RPAP2: variants seen among roughly 807,000 people sequenced by gnomAD.
RPAP2 encodes putative RNA polymerase II subunit B1 CTD phosphatase RPAP2.
A neutral mutation model predicts 73.1 loss-of-function variants in RPAP2; 52 were observed. The observed-to-expected ratio is 0.71, with a 90% CI of 0.57 to 0.90. RPAP2 has a LOEUF of 0.90. Ranked by LOEUF, RPAP2 falls within the 40% of genes least tolerant of loss-of-function variation. The probability of loss-of-function intolerance (pLI) is 0.00; values close to 1 mark genes in which losing one functional copy is unlikely to be tolerated. For synonymous variants in RPAP2, 225 were observed against 242.1 expected, an observed-to-expected ratio of 0.93 and a Z score of 0.65; for missense variants, 598 against 701.8, an observed-to-expected ratio of 0.85 and a Z score of 1.67.
At chr1:92,324,522 G>T in intron 8 of RPAP2, 147 bp downstream of exon 8, 1 of 650,628 alleles carries the variant, frequency 1.5e-6, no homozygotes, top group South Asian at 2.2e-5. Flanking sequence ...GGTTTACAGT[G>T]CCATCTCCAC....
chr1:92,330,547 G>T (rs1028491176), intron 8 of RPAP2, among the ~76,000 whole-genome samples: 1 of 144,554 alleles, frequency 6.9e-6, no homozygotes, highest in Non-Finnish European at 1.5e-5. Flanking sequence ...TCCTGGGTTC[G>T]AGCGATTTTC....
At position 92,398,968 on chromosome 1, in the gene RPAP2, C is replaced by T. The variant is rs1269813039; in HGVS notation, c.*11957C>T. On this transcript the variant is annotated 3_prime_UTR_variant, in exon 13 of 13. Coordinates refer to ENST00000610020, the MANE Select transcript of RPAP2 (RefSeq NM_024813.3). ...CCACACCCAGCCAGTTTTCTACTCTCTAAATGTTCAGGCCTTTGCCTGTCC... is the reference window on the plus strand; with the variant it reads ...CCACACCCAGCCAGTTTTCTACTCTTTAAATGTTCAGGCCTTTGCCTGTCC... The T allele has an allele frequency of 6.6e-6, 1 of 152,256 alleles. No homozygotes were observed. The highest frequency in any genetic ancestry group is 1.5e-5 in the Non-Finnish European group (1 of 68,048). 9.4% of individuals were successfully genotyped at this position (152,256 alleles called of 1,614,324 possible). A position where few individuals can be genotyped will look rare whatever the true frequency, so the allele number is the denominator to read the frequency against.
chr1:92,373,214 C>G (rs1460315314), intron 11 of RPAP2, among the ~76,000 whole-genome samples: 1 of 152,054 alleles, frequency 6.6e-6, no homozygotes, highest in Admixed American at 6.6e-5. Flanking sequence ...GGAAAGGTGA[C>G]ATTAAACAAA....
chr1:92,320,464 G>C (rs1222085059), intron 6 of RPAP2, 135 bp from the exon 7 acceptor site: 10 of 587,030 alleles, frequency 1.7e-5, no homozygotes, highest in Non-Finnish European at 3.1e-5. Flanking sequence ...GTAGAGATGG[G>C]GTTTCACCAT....
rs947316155 is a variant in RPAP2, at chr1:92,374,786, A to C, written c.1689-5938A>C. ...AGACTGGAAAAGCATGCAGGTAGTT[A>C]ATTGCTATTAAGTAATAAAACATAA... On this transcript the variant is annotated intron_variant, in intron 11 of 12. Coordinates refer to ENST00000610020, the MANE Select transcript of RPAP2 (RefSeq NM_024813.3). Among the ~76,000 whole-genome samples the C allele has an allele frequency of 5.9e-5, 9 of 152,292 alleles. No individual in the cohort carries two copies. In the East Asian group the frequency reaches 1.5e-3, roughly 26 times the overall value.
At chr1:92,367,565 C>CT (rs1654981098) in intron 11 of RPAP2, among the ~76,000 whole-genome samples, 2 of 152,206 alleles carry the variant, frequency 1.3e-5, no homozygotes, top group Admixed American at 1.3e-4. Flanking sequence ...CCAATGTTAT[C>CT]TTTTAGCAGT....
Position 92,333,392 on chromosome 1 carries a change from A to G in RPAP2, c.1457A>G (p.His486Arg), listed in dbSNP as rs1653087855. Residue 486 changes from histidine (H) to arginine (R), a missense_variant and splice_region_variant, in exon 9 of 13, where the codon CAT (histidine) becomes CGT (arginine). Coordinates refer to ENST00000610020, the MANE Select transcript of RPAP2 (RefSeq NM_024813.3). The part of the protein sequence containing the change: ...ETTKSQDSEE[H>R]DSTFPLIDSS... ...GCTTTGTTTAAAAATGTGATTCAGC[A>G]TGATTCCACCTTTCCACTGATAGAC... 1.2e-6 allele frequency: 2 copies of G among 1,611,800 alleles called. No individual in the cohort carries two copies. The highest frequency in any genetic ancestry group is 1.7e-6 in the Non-Finnish European group (2 of 1,178,028).
chr1:92,365,799 C>A (rs1654910594), intron 11 of RPAP2, among the ~76,000 whole-genome samples: 1 of 152,106 alleles, frequency 6.6e-6, no homozygotes, highest in Non-Finnish European at 1.5e-5. Flanking sequence ...CTACTCAGTT[C>A]TTAAAATGAA....
chr1:92,374,544 C>G (rs972769461), intron 11 of RPAP2, among the ~76,000 whole-genome samples: 2 of 152,134 alleles, frequency 1.3e-5, no homozygotes, highest in Non-Finnish European at 2.9e-5. Context: ...CGAGTTACTC[C>G]AATGACACCT....
At chr1:92,362,690 A>T (rs376311910) in intron 11 of RPAP2, among the ~76,000 whole-genome samples, 27 of 152,180 alleles carry the variant, frequency 1.8e-4, no homozygotes, top group African/African-American at 9.6e-5. Context: ...ACAGTAATTG[A>T]ATCTCCAGGA....
chr1:92,380,665 G>C, intron 11 of RPAP2, 59 bp from the exon 12 acceptor site: 2 of 1,208,884 alleles, frequency 1.7e-6, no homozygotes, highest in Non-Finnish European at 2.2e-6. Context: ...GTTGAAGATA[G>C]GAGTCCCTTT....
intron 11 of RPAP2, among the ~76,000 whole-genome samples, chr1:92,372,979 T>C (rs545812270): frequency 1.3e-5 from 2 of 152,322 alleles, no homozygotes; most frequent in East Asian, 3.9e-4. Context: ...TCACAATAAA[T>C]AATTGTCCTC....
intron 6 of RPAP2, among the ~76,000 whole-genome samples, chr1:92,314,400 A>T (rs78591333): frequency 0.013 from 1,887 of 148,354 alleles, 36 homozygotes; most frequent in African/African-American, 0.044. Flanking sequence ...TCTAAGTTGC[A>T]TACATTTTTA....
intron 11 of RPAP2, among the ~76,000 whole-genome samples, chr1:92,355,388 C>G (rs1654411934): frequency 6.6e-6 from 1 of 151,962 alleles, no homozygotes; most frequent in Non-Finnish European, 1.5e-5. Context: ...AGTACTAATT[C>G]AAGTATGAGG....
rs1265632149 is a variant in RPAP2, at chr1:92,395,716, T to C, written c.*8705T>C. 6.0e-5 allele frequency: 9 copies of C among 150,716 alleles called. No individual in the cohort carries two copies. Among genetic ancestry groups the C allele is most frequent in the African/African-American group, 2.2e-4 (9 of 41,040 alleles). 9.3% of individuals were successfully genotyped at this position (150,716 alleles called of 1,614,324 possible). ...TTTTCAAACCATAATAAGTATCTGA[T>C]AGAGGACTTGTATCTAGACTATGTA... On this transcript the variant is annotated 3_prime_UTR_variant, in exon 13 of 13. Coordinates refer to ENST00000610020, the MANE Select transcript of RPAP2 (RefSeq NM_024813.3).
Position 92,392,173 on chromosome 1 carries a change from A to C in RPAP2, c.*5162A>C, listed in dbSNP as rs1656068196. On this transcript the variant is annotated 3_prime_UTR_variant, in exon 13 of 13. Coordinates refer to ENST00000610020, the MANE Select transcript of RPAP2 (RefSeq NM_024813.3). ...AACCGAATCCAGCAGCATATCAAAAAGCTTATCCACCACGATCAAGTCAGC... is the reference window on the plus strand; with the variant it reads ...AACCGAATCCAGCAGCATATCAAAACGCTTATCCACCACGATCAAGTCAGC... The C allele has an allele frequency of 6.6e-6, 1 of 152,234 alleles. No homozygotes were observed. The highest frequency in any genetic ancestry group is 1.5e-5 in the Non-Finnish European group (1 of 68,044). The allele number at this position is 152,234 out of a possible 1,614,324, so 9.4% of individuals were successfully genotyped here.
intron 6 of RPAP2, among the ~76,000 whole-genome samples, chr1:92,308,995 G>C (rs1651411839): frequency 6.6e-6 from 1 of 151,944 alleles, no homozygotes; most frequent in Non-Finnish European, 1.5e-5. Flanking sequence ...AAGTAAAACA[G>C]GTCTTCCTGT....
chr1:92,347,358 C>A (rs994430777), intron 11 of RPAP2, among the ~76,000 whole-genome samples: 1 of 152,168 alleles, frequency 6.6e-6, no homozygotes, highest in African/African-American at 2.4e-5. Context: ...CCCACCAGAT[C>A]ATATGCCTGC....
In RPAP2 at chr1:92,380,770, G is replaced by A; in HGVS notation, c.1735G>A (p.Val579Met). 6.2e-7 allele frequency: 1 copy of A among 1,603,120 alleles called. No homozygotes were observed. Among genetic ancestry groups the A allele is most frequent in the Non-Finnish European group, 8.5e-7 (1 of 1,176,588 alleles). ...GIQKHSQEGM[V>M]FTRFLDTLLE... The stretch of plus-strand genomic sequence containing the variant: ...TCAGAAACATTCTCAGGAAGGTATG[G>A]TGTTTACACGGTTTCTAGACACCCT... Residue 579 changes from valine to methionine, a missense_variant, in exon 12 of 13, where the codon GTG becomes ATG. Around this residue, in one of 3 missense-constraint regions of RPAP2, gnomAD observed 506 missense variants for 612.8 expected, o/e 0.83. Coordinates refer to ENST00000610020, the MANE Select transcript of RPAP2 (RefSeq NM_024813.3).
Sources: gnomAD v4.1 joint callset for allele counts (sites outside exome capture counted in the v4.1 genomes callset) on GRCh38, gnomAD v4.1.1 for gene constraint, gnomAD v4.1.1 regional missense constraint, MANE v1.5 for transcripts, NCBI Gene and HGNC (gene_info 2026-07-23, HGNC 2026-07-21) for gene names.